YARS1: variants seen among roughly 807,000 people sequenced by gnomAD.
YARS1 encodes tyrosyl-tRNA synthetase 1.
YARS1 carries 36 observed loss-of-function variants against 62.2 expected under a neutral mutation model. The ratio of observed to expected loss-of-function variants is 0.58; its 90% CI spans 0.44 to 0.76. The LOEUF (loss-of-function observed/expected upper bound fraction) is 0.76. Ranked by LOEUF, YARS1 falls within the 30% of genes least tolerant of loss-of-function variation. The pLI is 0.00. For missense variants in YARS1, 524 were observed against 639.8 expected (o/e 0.82, Z 1.95); for synonymous variants, 234 against 244.9 (o/e 0.96, Z 0.42).
intron 9 of YARS1, chr1:32,781,913 A>T (rs1653070667): frequency 5.7e-6 from 1 of 175,390 alleles, no homozygotes; most frequent in African/African-American, 2.4e-5. Flanking sequence ...CCCCATGCTC[A>T]GGTGATCCTC....
chr1:32,788,257 A>G (rs1165633313), intron 6 of YARS1, among the ~76,000 whole-genome samples: 1 of 151,742 alleles, frequency 6.6e-6, no homozygotes, highest in Non-Finnish European at 1.5e-5. Flanking sequence ...CTTACTTACA[A>G]TTTTTTTTCT....
At chr1:32,778,736 C>CTTT (rs67504155) in intron 12 of YARS1, among the ~76,000 whole-genome samples, 4 of 120,064 alleles carry the variant, frequency 3.3e-5, no homozygotes, top group Non-Finnish European at 3.5e-5. Context: ...CTTTTCTTTT[C>CTTT]TTTTTTTTTT....
intron 8 of YARS1, 21 bp downstream of exon 8, chr1:32,786,340 AT>A (rs1200399306): frequency 6.2e-7 from 1 of 1,608,794 alleles, no homozygotes; most frequent in East Asian, 2.2e-5. Flanking sequence ...TCATGAAAGG[AT>A]TCCTTTTCCT....
At chr1:32,796,963 CT>C (rs1384283313) in intron 5 of YARS1, among the ~76,000 whole-genome samples, 17 of 7,586 alleles carry the variant, frequency 2.2e-3, no homozygotes, top group South Asian at 8.1e-3. Flanking sequence ...GAAACTCAGT[CT>C]CAAAAAAAAA....
intron 5 of YARS1, chr1:32,797,543 C>G: frequency 6.9e-6 from 4 of 583,430 alleles, no homozygotes; most frequent in Non-Finnish European, 9.2e-6. Flanking sequence ...CACATGGGCT[C>G]TGGAGTTTGA....
chr1:32,790,126 A>C (rs1181833465), intron 6 of YARS1, among the ~76,000 whole-genome samples: 1 of 143,364 alleles, frequency 7.0e-6, no homozygotes, highest in African/African-American at 2.6e-5. Context: ...TCAAGTATCC[A>C]TCTGCCATGG....
intron 8 of YARS1, among the ~76,000 whole-genome samples, chr1:32,785,756 G>GT (rs1338602985): frequency 6.6e-6 from 1 of 151,562 alleles, no homozygotes; most frequent in Non-Finnish European, 1.5e-5. Context: ...CTACTTTTTT[G>GT]TATTTTTAAT....
At chr1:32,779,716 C>T (rs972783045) in intron 11 of YARS1, 193 bp from the exon 12 acceptor site, 3 of 705,716 alleles carry the variant, frequency 4.3e-6, no homozygotes, top group South Asian at 1.8e-5. Flanking sequence ...CCAGGCTATA[C>T]CAAAATTGTG....
rs548569164 is a variant in YARS1 at position 32,791,797 on chromosome 1, C to A, written c.592-543G>T. Among the ~76,000 whole-genome samples the A allele has an allele frequency of 1.4e-4, 21 of 152,112 alleles. No homozygotes were observed. In the South Asian group the frequency reaches 2.9e-3, roughly 21 times the overall value. On this transcript the variant is annotated intron_variant, in intron 5 of 12. Coordinates refer to ENST00000373477, the MANE Select transcript of YARS1 (RefSeq NM_003680.4). ...AGCCTGGGCGACAAGAGCGAGACTCCATCTCAAAAAACAAAAACAAAAACA... is the reference window on the plus strand; with the variant it reads ...AGCCTGGGCGACAAGAGCGAGACTCAATCTCAAAAAACAAAAACAAAAACA...
intron 4 of YARS1, among the ~76,000 whole-genome samples, chr1:32,804,091 A>G (rs1465532499): frequency 6.6e-6 from 1 of 152,258 alleles, no homozygotes; most frequent in African/African-American, 2.4e-5. Context: ...CCAAGGCAGA[A>G]GAATTTTTCT....
chr1:32,786,333 T>C (rs1441264254), intron 8 of YARS1, 29 bp downstream of exon 8: 5 of 1,606,770 alleles, frequency 3.1e-6, no homozygotes, highest in African/African-American at 2.7e-5. Flanking sequence ...CAGATCTTCA[T>C]GAAAGGATTC....
chr1:32,789,791 T>C (rs1205487861), intron 6 of YARS1, among the ~76,000 whole-genome samples: 1 of 151,804 alleles, frequency 6.6e-6, no homozygotes, highest in Admixed American at 6.6e-5. Context: ...GGTTTCACCA[T>C]GTTGGCCAGG....
At chr1:32,809,444 C>T (rs1638533106) in intron 3 of YARS1, among the ~76,000 whole-genome samples, 1 of 151,836 alleles carries the variant, frequency 6.6e-6, no homozygotes, top group Admixed American at 6.6e-5. Flanking sequence ...CCATGTTGGC[C>T]AGGGCAGTCT....
At position 32,776,242 on chromosome 1, in the gene YARS1, G is replaced by A; in HGVS notation, c.1477-151C>T. The A allele has an allele frequency of 1.4e-6, 1 of 711,494 alleles. No individual in the cohort carries two copies. Among genetic ancestry groups the A allele is most frequent in the Non-Finnish European group, 2.5e-6 (1 of 396,370 alleles). 44.1% of individuals were successfully genotyped at this position (711,494 alleles called of 1,614,324 possible). ...GGCTCACCGCAACCTCTGCCTCCCA[G>A]GTTCAAGCGATTCTCCTGCCTGAGC... On this transcript the variant is annotated intron_variant, in intron 12 of 12. Transcript: ENST00000373477. The surrounding 1 kb of genome is among the most constrained non-coding windows in gnomAD (Gnocchi z 4.0).
chr1:32,810,470 GTTC>G, intron 3 of YARS1, 118 bp downstream of exon 3: 1 of 1,321,884 alleles, frequency 7.6e-7, no homozygotes, highest in South Asian at 1.2e-5. Context: ...GTTTTAAATG[GTTC>G]TTAATAGGTC....
In YARS1 at chr1:32,779,525, T is replaced by C; in HGVS notation, c.1335-2A>G. 6.2e-7 allele frequency: 1 copy of C among 1,614,170 alleles called. No homozygotes were observed. The highest frequency in any genetic ancestry group is 8.5e-7 in the Non-Finnish European group (1 of 1,180,036). On this transcript the variant is annotated splice_acceptor_variant, in intron 11 of 12. Coordinates refer to ENST00000373477, the MANE Select transcript of YARS1 (RefSeq NM_003680.4). LOFTEE classifies it high-confidence loss of function. ...TCAACCTGGCGGTTTATCCCTTCTC[T>C]GGGAAGACACAGGACAAGAGAAGAG...
At position 32,775,595 on chromosome 1, in the gene YARS1, C is replaced by A. The variant is rs144131403; in HGVS notation, c.*386G>T. 172 of 228,518 alleles carry A rather than the reference C, an allele frequency of 7.5e-4. No individual in the cohort carries two copies. In the East Asian group the frequency reaches 0.015, roughly 20 times the overall value. 14.2% of individuals were successfully genotyped at this position (228,518 alleles called of 1,614,324 possible). ...GCTGTAATTAGCCTAGTCCAGGTAC[C>A]AGATCCCAGCTAGGGGCGCAGCTGC... On this transcript the variant is annotated 3_prime_UTR_variant, in exon 13 of 13. Coordinates refer to ENST00000373477, the MANE Select transcript of YARS1 (RefSeq NM_003680.4).
At chr1:32,808,641 C>T (rs151156908) in intron 3 of YARS1, among the ~76,000 whole-genome samples, 449 of 152,320 alleles carry the variant, frequency 2.9e-3, no homozygotes, top group Non-Finnish European at 5.4e-3. Flanking sequence ...AGGTATAACT[C>T]CAGTGCCTAG....
At position 32,781,254 on chromosome 1, in the gene YARS1, C is replaced by T. The variant is rs1481988596; in HGVS notation, c.1043-109G>A. The T allele has an allele frequency of 4.3e-6, 4 of 924,322 alleles. No individual in the cohort carries two copies. The East Asian group carries it at 9.8e-5, about 23-fold the overall frequency. The allele number at this position is 924,322 out of a possible 1,614,324, so 57.3% of individuals were successfully genotyped here. ...TTAGGTAAGATTTAGTGTAGAATCC[C>T]CAGAGTCTAAACACTGAGTTGTAAC... is the stretch of plus-strand genomic sequence containing the variant. On this transcript the variant is annotated intron_variant, in intron 9 of 12. Coordinates refer to ENST00000373477, the MANE Select transcript of YARS1 (RefSeq NM_003680.4).
Sources: allele counts gnomAD v4.1 joint callset (sites outside exome capture counted in the v4.1 genomes callset), GRCh38; gene constraint gnomAD v4.1.1; non-coding constraint Gnocchi (gnomAD v3.1); transcripts MANE v1.5; gene names NCBI Gene and HGNC (gene_info 2026-07-23, HGNC 2026-07-21).